NEGR1: variants seen among roughly 807,000 people sequenced by gnomAD.
The protein encoded by NEGR1 is neuronal growth regulator 1.
A neutral mutation model predicts 40.9 loss-of-function variants in NEGR1; 10 were observed. The ratio of observed to expected loss-of-function variants is 0.24; its 90% CI spans 0.15 to 0.42. The LOEUF (loss-of-function observed/expected upper bound fraction) is 0.42, where lower values mean the gene tolerates loss of function less well. Ranked by LOEUF, NEGR1 falls within the 10% of genes least tolerant of loss-of-function variation. The probability of loss-of-function intolerance (pLI) is 1.00; values close to 1 mark genes in which losing one functional copy is unlikely to be tolerated. For synonymous variants in NEGR1, 185 were observed against 166.8 expected, an observed-to-expected ratio of 1.11 and a Z score of -0.84; for missense variants, 352 against 438.9, an observed-to-expected ratio of 0.80 and a Z score of 1.77.
intron 3 of NEGR1, among the ~76,000 whole-genome samples, chr1:71,752,011 A>T (rs1014116059): frequency 6.6e-6 from 1 of 152,212 alleles, no homozygotes; most frequent in Admixed American, 6.5e-5. Flanking sequence ...ATGTTGATAT[A>T]TTTAAATAAT....
intron 2 of NEGR1, among the ~76,000 whole-genome samples, chr1:71,818,009 A>C (rs1036426345): frequency 2.6e-5 from 4 of 152,138 alleles, no homozygotes; most frequent in South Asian, 2.1e-4. Flanking sequence ...CACCAGTCAG[A>C]ATAGCTATTA....
At chr1:71,725,107 G>A (rs576226722) in intron 3 of NEGR1, among the ~76,000 whole-genome samples, 60 of 152,244 alleles carry the variant, frequency 3.9e-4, no homozygotes, top group African/African-American at 1.4e-3. Flanking sequence ...TTCATTGCAA[G>A]AGAAAATCTG....
At chr1:72,167,880 A>G (rs1253762963) in intron 1 of NEGR1, among the ~76,000 whole-genome samples, 2 of 151,926 alleles carry the variant, frequency 1.3e-5, no homozygotes, top group African/African-American at 4.8e-5. Flanking sequence ...AGTTTATAAA[A>G]CTCATCTCTA....
chr1:71,968,148 C>T (rs1646225500), intron 1 of NEGR1, among the ~76,000 whole-genome samples: 1 of 152,038 alleles, frequency 6.6e-6, no homozygotes, highest in Non-Finnish European at 1.5e-5. Context: ...ATCAATTTTT[C>T]CCTTCAGAAA....
At chr1:72,237,939 T>C (rs966746791) in intron 1 of NEGR1, among the ~76,000 whole-genome samples, 16 of 151,942 alleles carry the variant, frequency 1.1e-4, no homozygotes, top group Admixed American at 8.6e-4. Context: ...CTTAGCAAAG[T>C]TGCAATACAG....
At chr1:72,095,720 T>A (rs973045187) in intron 1 of NEGR1, among the ~76,000 whole-genome samples, 1 of 152,114 alleles carries the variant, frequency 6.6e-6, no homozygotes. Flanking sequence ...TTATTTCCCA[T>A]GTAAGTATTT....
intron 6 of NEGR1, among the ~76,000 whole-genome samples, chr1:71,573,804 C>T (rs1355677793): frequency 1.3e-5 from 2 of 152,088 alleles, no homozygotes; most frequent in African/African-American, 2.4e-5. Context: ...GAAATCGAAG[C>T]CCAGAATCTA....
At position 72,141,848 on chromosome 1, in the gene NEGR1, GT is replaced by G. The variant is rs2100336423; in HGVS notation, c.176+140470del. 1.3e-5 allele frequency among the ~76,000 whole-genome samples: 2 copies of G among 152,018 alleles called. 1 individual carries two copies. Among genetic ancestry groups the G allele is most frequent in the South Asian group, 4.1e-4 (2 of 4,820 alleles). ...TTTATGACTGTCTAGTATGGTAGGG[GT>G]TTAGCAAAAGTAAATCTCCATAACT... is the stretch of plus-strand genomic sequence containing the variant. On this transcript the variant is annotated intron_variant, in intron 1 of 6. Transcript: ENST00000357731.
At chr1:71,734,002 T>C (rs1335064976) in intron 3 of NEGR1, among the ~76,000 whole-genome samples, 3 of 152,186 alleles carry the variant, frequency 2.0e-5, no homozygotes, top group Non-Finnish European at 4.4e-5. Flanking sequence ...TTATTAATCA[T>C]TTGAAATGCT....
At chr1:72,161,238 A>C (rs1319384260) in intron 1 of NEGR1, among the ~76,000 whole-genome samples, 1 of 152,162 alleles carries the variant, frequency 6.6e-6, no homozygotes, top group Non-Finnish European at 1.5e-5. Flanking sequence ...ACTGAAGAAG[A>C]TACCAGGTGG....
chr1:71,559,414 T>C (rs1005296413), intron 6 of NEGR1, among the ~76,000 whole-genome samples: 3 of 151,596 alleles, frequency 2.0e-5, no homozygotes, highest in African/African-American at 4.8e-5. Context: ...GTTATGTGAT[T>C]CATTTGTTAC....
At chr1:71,785,212 G>A (rs376974405) in intron 2 of NEGR1, among the ~76,000 whole-genome samples, 1 of 152,144 alleles carries the variant, frequency 6.6e-6, no homozygotes, top group African/African-American at 2.4e-5. Context: ...CAGCAGGCTG[G>A]AGCACACTTA....
chr1:71,948,286 G>T (rs1429630231), intron 1 of NEGR1, among the ~76,000 whole-genome samples: 2 of 151,852 alleles, frequency 1.3e-5, no homozygotes, highest in African/African-American at 4.8e-5. Context: ...AATATCGTTT[G>T]TATTTAGTCA....
intron 2 of NEGR1, among the ~76,000 whole-genome samples, chr1:71,896,392 G>T (rs1388510376): frequency 1.3e-5 from 2 of 152,046 alleles, no homozygotes; most frequent in African/African-American, 4.8e-5. Flanking sequence ...TTCTAATTGA[G>T]TTATTCATCA....
intron 4 of NEGR1, among the ~76,000 whole-genome samples, chr1:71,687,014 T>C (rs184551781): frequency 2.6e-5 from 4 of 152,342 alleles, no homozygotes; most frequent in African/African-American, 7.2e-5. Context: ...TAGCTGGTTA[T>C]ACTAAATGAG....
At chr1:71,879,620 G>T (rs1446067555) in intron 2 of NEGR1, among the ~76,000 whole-genome samples, 2 of 152,034 alleles carry the variant, frequency 1.3e-5, no homozygotes, top group Non-Finnish European at 2.9e-5. Flanking sequence ...ATGCAAAAAA[G>T]TTCTAGTTCA....
intron 3 of NEGR1, among the ~76,000 whole-genome samples, chr1:71,752,766 C>T (rs1655613073): frequency 6.6e-6 from 1 of 151,480 alleles, no homozygotes; most frequent in South Asian, 2.1e-4. Context: ...AGGCAGCATT[C>T]CTGATAAGAG....
intron 4 of NEGR1, among the ~76,000 whole-genome samples, chr1:71,676,268 A>C (rs1652634463): frequency 6.6e-6 from 1 of 152,136 alleles, no homozygotes; most frequent in Admixed American, 6.6e-5. Context: ...ATGTTCTTCT[A>C]TTATGCCTCA....
chr1:71,582,396 T>C lies in NEGR1; in HGVS notation c.940+10421A>G, dbSNP rs565296369. Among the ~76,000 whole-genome samples, 36 of 152,316 alleles carry C rather than the reference T, an allele frequency of 2.4e-4. 1 individual carries two copies. The highest frequency in any genetic ancestry group is 9.8e-4 in the Admixed American group (15 of 15,304). ...TACAATCCTATACAGACCCACAGAC[T>C]ATTATTTTGCTTCATAACCATATAT... On this transcript the variant is annotated intron_variant, in intron 6 of 6. Transcript: ENST00000357731.
Sources: allele counts gnomAD v4.1 joint callset (sites outside exome capture counted in the v4.1 genomes callset), GRCh38; gene constraint gnomAD v4.1.1; transcripts MANE v1.5; gene names NCBI Gene and HGNC (gene_info 2026-07-23, HGNC 2026-07-21).